The following PTPRD variants were observed in gnomAD, a reference collection of about 807,000 sequenced individuals.
PTPRD encodes the protein protein tyrosine phosphatase receptor type D.
A neutral mutation model predicts 214.5 loss-of-function variants in PTPRD; 34 were observed. That is an observed-to-expected ratio of 0.16 (90% CI 0.12 to 0.21). The LOEUF (loss-of-function observed/expected upper bound fraction) is 0.21, where lower values mean the gene tolerates loss of function less well. PTPRD is among the 10% of genes least tolerant of loss of function. The pLI, the probability that PTPRD is intolerant of heterozygous loss-of-function variation, is 1.00. For synonymous variants in PTPRD, 1,128 were observed against 845.7 expected (o/e 1.33, Z -5.79); for missense variants, 2,545 against 2,398.7 (o/e 1.06, Z -1.27).
chr9:8,559,592 A>T (rs1365358440), intron 14 of PTPRD, among the ~76,000 whole-genome samples: 2 of 152,212 alleles, frequency 1.3e-5, no homozygotes, highest in Non-Finnish European at 2.9e-5. Flanking sequence ...CAAGGATGAG[A>T]AGCCCAACAG....
chr9:8,542,569 A>C (rs13298042), intron 14 of PTPRD, among the ~76,000 whole-genome samples: 2 of 152,104 alleles, frequency 1.3e-5, no homozygotes, highest in African/African-American at 4.8e-5. Flanking sequence ...TTGGGAAGCA[A>C]TGTCATGTAT....
chr9:9,665,254 C>G (rs1349187129), intron 7 of PTPRD, among the ~76,000 whole-genome samples: 1 of 151,574 alleles, frequency 6.6e-6, no homozygotes, highest in African/African-American at 2.4e-5. Flanking sequence ...TTAAAAACCA[C>G]AAATAATTGA....
chr9:9,834,039 G>C (rs2055930134), intron 5 of PTPRD, among the ~76,000 whole-genome samples: 1 of 152,018 alleles, frequency 6.6e-6, no homozygotes, highest in Admixed American at 6.6e-5. Context: ...AAATCACAAG[G>C]TTATTGACTG....
chr9:9,291,430 T>C (rs1410289839), intron 9 of PTPRD, among the ~76,000 whole-genome samples: 2 of 151,484 alleles, frequency 1.3e-5, no homozygotes, highest in Non-Finnish European at 3.0e-5. Context: ...ATAACTTTGT[T>C]CCTTGAATAA....
chr9:8,732,299 C>G (rs1416019569), intron 12 of PTPRD, among the ~76,000 whole-genome samples: 1 of 152,138 alleles, frequency 6.6e-6, no homozygotes, highest in Non-Finnish European at 1.5e-5. Context: ...ATAATTATAT[C>G]TAGTAACTTT....
chr9:9,074,000 G>A (rs1396758026), intron 10 of PTPRD, among the ~76,000 whole-genome samples: 1 of 152,086 alleles, frequency 6.6e-6, no homozygotes, highest in South Asian at 2.1e-4. Flanking sequence ...TGGGAATTAT[G>A]TGAGATGTCA....
intron 11 of PTPRD, among the ~76,000 whole-genome samples, chr9:8,837,571 T>G (rs779925301): frequency 6.6e-6 from 1 of 152,150 alleles, no homozygotes; most frequent in South Asian, 2.1e-4. Flanking sequence ...AGCACAATCG[T>G]GGTGAGCCTC....
intron 11 of PTPRD, among the ~76,000 whole-genome samples, chr9:9,009,640 T>C (rs2099499658): frequency 6.6e-6 from 1 of 151,886 alleles, no homozygotes; most frequent in African/African-American, 2.4e-5. Flanking sequence ...AGAATGATGA[T>C]TTGTGTTAGA....
chr9:10,147,410 G>A (rs908054694), intron 3 of PTPRD, among the ~76,000 whole-genome samples: 5 of 151,922 alleles, frequency 3.3e-5, no homozygotes, highest in Non-Finnish European at 5.9e-5. Flanking sequence ...TGTTTATTGC[G>A]GCATTATTCA....
At chr9:8,374,835 G>A (rs760013602) in intron 39 of PTPRD, among the ~76,000 whole-genome samples, 1 of 151,946 alleles carries the variant, frequency 6.6e-6, no homozygotes, top group African/African-American at 2.4e-5. Context: ...TTAACAATGA[G>A]CATTGTAGCA....
At chr9:9,122,971 G>A (rs544024285) in intron 10 of PTPRD, among the ~76,000 whole-genome samples, 1 of 152,114 alleles carries the variant, frequency 6.6e-6, no homozygotes, top group African/African-American at 2.4e-5. Context: ...GGGGAAAATG[G>A]CATTGCTATA....
At chr9:9,759,822 G>A (rs1168970623) in intron 6 of PTPRD, among the ~76,000 whole-genome samples, 1 of 152,082 alleles carries the variant, frequency 6.6e-6, no homozygotes, top group African/African-American at 2.4e-5. Context: ...CTCCCAAAGT[G>A]CTGAGATTAC....
intron 14 of PTPRD, among the ~76,000 whole-genome samples, chr9:8,589,324 T>C (rs2093920387): frequency 6.6e-6 from 1 of 152,110 alleles, no homozygotes. Flanking sequence ...TCTCATACAA[T>C]AACATTTAAT....
intron 5 of PTPRD, among the ~76,000 whole-genome samples, chr9:9,811,099 A>T (rs527652522): frequency 6.6e-6 from 1 of 152,044 alleles, no homozygotes; most frequent in Non-Finnish European, 1.5e-5. Context: ...TTAGCTGGGC[A>T]TGGTGGTGCA....
intron 11 of PTPRD, among the ~76,000 whole-genome samples, chr9:8,756,784 T>C (rs2094018560): frequency 1.3e-5 from 2 of 152,058 alleles, no homozygotes; most frequent in South Asian, 4.1e-4. Flanking sequence ...AAAAAAAAAT[T>C]TAAGTAGTTA....
intron 9 of PTPRD, among the ~76,000 whole-genome samples, chr9:9,291,116 G>A (rs1951007998): frequency 6.6e-6 from 1 of 151,348 alleles, no homozygotes; most frequent in Admixed American, 6.6e-5. Flanking sequence ...ATTAAAAGAT[G>A]ATATACACTG....
rs566339985 is a variant in PTPRD at position 10,046,647 on chromosome 9, T to C, written c.-544-12857A>G. On this transcript the variant is annotated intron_variant, in intron 3 of 45. Coordinates refer to ENST00000381196, the MANE Select transcript of PTPRD (RefSeq NM_002839.4). ...TACTTGCAACTATGCAATGGTTTGT[T>C]TTAGAGAAAAATACATTCAATTAAA... Among the ~76,000 whole-genome samples, 23 of 152,010 alleles carry C rather than the reference T, an allele frequency of 1.5e-4. 1 individual carries two copies. The South Asian group carries it at 4.3e-3, about 29-fold the overall frequency.
At chr9:9,529,331 A>G (rs1290191083) in intron 8 of PTPRD, among the ~76,000 whole-genome samples, 1 of 152,116 alleles carries the variant, frequency 6.6e-6, no homozygotes, top group Non-Finnish European at 1.5e-5. Context: ...TTGAAAGACT[A>G]GTAACAAAAT....
intron 3 of PTPRD, among the ~76,000 whole-genome samples, chr9:10,120,778 G>A (rs2098768407): frequency 5.9e-5 from 9 of 151,986 alleles, no homozygotes; most frequent in Admixed American, 5.9e-4. Flanking sequence ...TCCCATGAAA[G>A]CAGAGAGCTT....
Sources: gnomAD v4.1 joint callset for allele counts (sites outside exome capture counted in the v4.1 genomes callset) on GRCh38, gnomAD v4.1.1 for gene constraint, MANE v1.5 for transcripts, NCBI Gene and HGNC (gene_info 2026-07-23, HGNC 2026-07-21) for gene names.